The following ENTPD1 variants were observed in gnomAD, a reference collection of about 807,000 sequenced individuals.
ENTPD1 encodes the protein ATP diphosphohydrolase.
Under a neutral mutation model 57.0 loss-of-function variants are expected in ENTPD1, and 33 were observed. The ratio of observed to expected loss-of-function variants is 0.58; its 90% CI spans 0.44 to 0.77. ENTPD1 has a LOEUF of 0.77. Among genes scored for constraint, ENTPD1 ranks in the 30% least tolerant of loss-of-function variants. The pLI is 0.00. For missense variants in ENTPD1, 501 were observed against 603.4 expected (o/e 0.83, Z 1.78); for synonymous variants, 202 against 218.8 (o/e 0.92, Z 0.68).
rs971709490 is a variant in ENTPD1 at position 95,839,757 on chromosome 10, AAGG to A, written c.214_216del (p.Glu72del). The A allele has an allele frequency of 6.2e-7, 1 of 1,613,994 alleles. No individual in the cohort carries two copies. Among genetic ancestry groups the A allele is most frequent in the Non-Finnish European group, 8.5e-7 (1 of 1,180,016 alleles). On this transcript the variant is annotated inframe_deletion, in exon 3 of 10. Transcript: ENST00000371205. ...ATACATCTATAAGTGGCCAGCAGAA[AAGG>A]AGAATGACACAGGCGTGGTGCATCA...
rs547455401 is a variant in ENTPD1, at chr10:95,804,279, A to G, written c.17-18958A>G. On this transcript the variant is annotated intron_variant, in intron 1 of 9. Transcript: ENST00000371205. Reference sequence around the variant, plus strand: ...GCTTGGTGGGGATGGCTTTGAATCTACAAATTACCTTGGGCAGCATTGATT... The same window carrying G: ...GCTTGGTGGGGATGGCTTTGAATCTGCAAATTACCTTGGGCAGCATTGATT... Among the ~76,000 whole-genome samples the G allele has an allele frequency of 3.9e-5, 6 of 152,234 alleles. No homozygotes were observed. In the East Asian group the frequency reaches 1.2e-3, roughly 29 times the overall value.
At chr10:95,709,413 C>T (rs534956235), upstream of ENTPD1, among the ~76,000 whole-genome samples, 3 of 151,110 alleles carry the variant, frequency 2.0e-5, no homozygotes, top group East Asian at 1.9e-4. Flanking sequence ...GACGAAGTTT[C>T]GCTTTTGTTG....
intron 1 of ENTPD1, among the ~76,000 whole-genome samples, chr10:95,724,353 G>C (rs546944947): frequency 3.3e-4 from 50 of 152,014 alleles, no homozygotes; most frequent in Non-Finnish European, 5.9e-4. Flanking sequence ...TCCCTTCGTG[G>C]TCACCAAAAT....
At chr10:95,839,844 TGGG>T (rs781031449) in intron 3 of ENTPD1, 36 bp downstream of exon 3, 107 of 1,601,696 alleles carry the variant, frequency 6.7e-5, no homozygotes, top group Non-Finnish European at 8.6e-5. Context: ...AGGCCAACAG[TGGG>T]GCATGAGAAC....
intron 9 of ENTPD1, 92 bp downstream of exon 9, chr10:95,864,953 T>G: frequency 7.0e-7 from 1 of 1,423,638 alleles, no homozygotes; most frequent in Non-Finnish European, 9.6e-7. Flanking sequence ...GGAGTCAGCA[T>G]GGTGTAGCTT....
At position 95,734,833 on chromosome 10, in the gene ENTPD1, A is replaced by G. The variant is rs1308665012; in HGVS notation, c.37+22840A>G. On this transcript the variant is annotated intron_variant, in intron 1 of 9. Transcript: ENST00000453258. ...TCAGTGTCAAGGCATCATGGCACAC[A>G]GGGTGAAGATCCCTTCGCTCTTTTA... is the stretch of plus-strand genomic sequence containing the variant. Among the ~76,000 whole-genome samples the G allele has an allele frequency of 6.6e-5, 10 of 152,174 alleles. 1 individual carries two copies. Among genetic ancestry groups the G allele is most frequent in the Admixed American group, 6.5e-4 (10 of 15,284 alleles).
chr10:95,777,243 C>G (rs1269767054), intron 1 of ENTPD1, among the ~76,000 whole-genome samples: 1 of 152,192 alleles, frequency 6.6e-6, no homozygotes, highest in Non-Finnish European at 1.5e-5. Flanking sequence ...CTTTTCTGCT[C>G]TGGTTTCTCC....
chr10:95,865,528 T>C, intron 9 of ENTPD1, among the ~76,000 whole-genome samples: 1 of 152,204 alleles, frequency 6.6e-6, no homozygotes, highest in East Asian at 1.9e-4. Context: ...TTTTACCCCC[T>C]GTATTAAATA....
At chr10:95,801,277 C>A (rs957154208) in intron 1 of ENTPD1, among the ~76,000 whole-genome samples, 69 of 152,124 alleles carry the variant, frequency 4.5e-4, no homozygotes, top group African/African-American at 1.3e-3. Flanking sequence ...TTTGCCCATT[C>A]CTATGTCTGG....
intron 1 of ENTPD1, among the ~76,000 whole-genome samples, chr10:95,796,122 C>T (rs917699814): frequency 1.3e-5 from 2 of 152,072 alleles, no homozygotes; most frequent in African/African-American, 4.8e-5. Flanking sequence ...TGATGGAAAA[C>T]GTTGTGTACT....
chr10:95,751,694 G>A (rs962884115), upstream of ENTPD1, among the ~76,000 whole-genome samples: 1 of 143,582 alleles, frequency 7.0e-6, no homozygotes, highest in Non-Finnish European at 1.5e-5. Context: ...CAGCCTGGGC[G>A]ACAGAGTGAG....
chr10:95,798,449 A>T (rs1394209606), intron 1 of ENTPD1, among the ~76,000 whole-genome samples: 1 of 152,210 alleles, frequency 6.6e-6, no homozygotes, highest in Non-Finnish European at 1.5e-5. Context: ...TGGAATAAAC[A>T]CTATAAAAAG....
intron 1 of ENTPD1, among the ~76,000 whole-genome samples, chr10:95,796,524 C>T (rs2098226781): frequency 6.6e-6 from 1 of 152,024 alleles, no homozygotes; most frequent in African/African-American, 2.4e-5. Flanking sequence ...AAAAAAGACC[C>T]CATTTAGAGA....
At chr10:95,752,606 G>A (rs898787716), upstream of ENTPD1, among the ~76,000 whole-genome samples, 3 of 152,126 alleles carry the variant, frequency 2.0e-5, no homozygotes, top group Non-Finnish European at 2.9e-5. Context: ...GCGGTGAGCC[G>A]AGATGCTGAG....
chr10:95,731,781 C>CTTTTTTTTTTCTTTTTTTTTTTTTTTTT (rs2097989381), intron 1 of ENTPD1, among the ~76,000 whole-genome samples: 1 of 79,180 alleles, frequency 1.3e-5, no homozygotes, highest in Non-Finnish European at 2.3e-5. Context: ...AGTGGACATC[C>CTTTTTTTTTTCTTTTTTTTTTTTTTTTT]TTTTTTTTTT....
At chr10:95,785,352 T>C (rs2098175068) in intron 1 of ENTPD1, 1 of 152,246 alleles carries the variant, frequency 6.6e-6, no homozygotes, top group African/African-American at 2.4e-5. Context: ...GTAAGTTAAC[T>C]TATCTGAATG....
At chr10:95,710,509 A>G (rs2097964651), upstream of ENTPD1, among the ~76,000 whole-genome samples, 1 of 138,700 alleles carries the variant, frequency 7.2e-6, no homozygotes, top group African/African-American at 2.5e-5. Flanking sequence ...CGGTGTCTAC[A>G]TGTTTAGTAG....
At chr10:95,731,802 T>TTTTTTTTTTTTAGG in intron 1 of ENTPD1, among the ~76,000 whole-genome samples, 1 of 140,084 alleles carries the variant, frequency 7.1e-6, no homozygotes, top group Admixed American at 7.2e-5. Flanking sequence ...TTTTTTTTTT[T>TTTTTTTTTTTTAGG]GACAGAGTCT....
At chr10:95,860,614 A>C in intron 8 of ENTPD1, 32 bp downstream of exon 8, 1 of 1,573,056 alleles carries the variant, frequency 6.4e-7, no homozygotes, top group Non-Finnish European at 8.7e-7. Context: ...CTCTAACAGC[A>C]TGAGTGCCCT....
Sources: gnomAD v4.1 joint callset for allele counts (sites outside exome capture counted in the v4.1 genomes callset) on GRCh38, gnomAD v4.1.1 for gene constraint, MANE v1.5 for transcripts, NCBI Gene and HGNC (gene_info 2026-07-23, HGNC 2026-07-21) for gene names.